Variants in ELAPOR2 observed in about 807,000 individuals in gnomAD.
ELAPOR2 encodes endosome-lysosome associated apoptosis and autophagy regulator family member 2.
In ELAPOR2, 89 loss-of-function variants were observed where a neutral mutation model predicts 120.7. That is an observed-to-expected ratio of 0.74 (90% CI 0.62 to 0.88). ELAPOR2 has a LOEUF of 0.88. ELAPOR2 is among the 40% of genes least tolerant of loss of function. The pLI, the probability that ELAPOR2 is intolerant of heterozygous loss-of-function variation, is 0.00. For missense variants in ELAPOR2, 1,134 were observed against 1,251.6 expected, an observed-to-expected ratio of 0.91 and a Z score of 1.42; for synonymous variants, 444 against 444.9, an observed-to-expected ratio of 1.00 and a Z score of 0.03.
In ELAPOR2 at chr7:86,936,709, T is replaced by C. The variant is rs185012055; in HGVS notation, c.1089+1417A>G. ...ACACCCATATACATATATGTGTCTA[T>C]GCATATGTGCGTATTCTGCATATAC... On this transcript the variant is annotated intron_variant, in intron 8 of 21. Coordinates refer to ENST00000450689, the MANE Select transcript of ELAPOR2 (RefSeq NM_001142749.3). Among the ~76,000 whole-genome samples the C allele has an allele frequency of 3.2e-3, 491 of 152,252 alleles. 4 individuals carry two copies. The highest frequency in any genetic ancestry group is 2.2e-3 in the Non-Finnish European group (152 of 67,998).
chr7:86,947,647 C>T, intron 3 of ELAPOR2, 80 bp downstream of exon 3: 3 of 1,228,228 alleles, frequency 2.4e-6, no homozygotes, highest in Non-Finnish European at 3.4e-6. Context: ...CAAGATTATC[C>T]TCATCTTCTT....
intron 5 of ELAPOR2, chr7:86,941,519 A>G (rs755627182): frequency 2.5e-6 from 1 of 393,966 alleles, no homozygotes; most frequent in African/African-American, 2.1e-5. Context: ...CTGTCCAACA[A>G]ATGGAGACAG....
Position 87,009,391 on chromosome 7 carries a change from C to T in ELAPOR2, c.190-44367G>A, listed in dbSNP as rs1396454184. Among the ~76,000 whole-genome samples, 3 of 152,174 alleles carry T rather than the reference C, an allele frequency of 2.0e-5. No individual in the cohort carries two copies. In the East Asian group the frequency reaches 5.8e-4, roughly 29 times the overall value. ...AGACAGAACATTAGGAAGAAGGACA[C>T]TAAGAAACAAATTACAGGATTTATC... On this transcript the variant is annotated intron_variant, in intron 1 of 21. Coordinates refer to ENST00000450689, the MANE Select transcript of ELAPOR2 (RefSeq NM_001142749.3).
chr7:87,043,057 C>T (rs1032399128), intron 1 of ELAPOR2, among the ~76,000 whole-genome samples: 109 of 152,074 alleles, frequency 7.2e-4, no homozygotes, highest in African/African-American at 2.3e-3. Flanking sequence ...CAACACTAAA[C>T]CAGGAAGAAG....
intron 1 of ELAPOR2, among the ~76,000 whole-genome samples, chr7:86,989,785 A>C (rs954179139): frequency 1.4e-4 from 21 of 151,934 alleles, no homozygotes; most frequent in African/African-American, 5.1e-4. Flanking sequence ...TAAAGATACA[A>C]ATTTTTTTAT....
chr7:86,932,531 T>A (rs1790372800), intron 8 of ELAPOR2, among the ~76,000 whole-genome samples: 1 of 151,920 alleles, frequency 6.6e-6, no homozygotes, highest in Admixed American at 6.6e-5. Context: ...TCTGCCTCAG[T>A]GTAATACCCA....
In ELAPOR2 at chr7:86,882,187, G is replaced by C. The variant is rs577009778; in HGVS notation, c.3031-1657C>G. On this transcript the variant is annotated intron_variant, in intron 21 of 21. Coordinates refer to ENST00000450689, the MANE Select transcript of ELAPOR2 (RefSeq NM_001142749.3). ...TAACAATTTTTTAGAATAACCATTA[G>C]CAGTTGAAATATTTGTTAAGCACCG... 3.9e-5 allele frequency among the ~76,000 whole-genome samples: 6 copies of C among 152,280 alleles called. No individual in the cohort carries two copies. The East Asian group carries it at 1.2e-3, about 29-fold the overall frequency.
At chr7:87,048,764 C>T (rs1303619908) in intron 1 of ELAPOR2, among the ~76,000 whole-genome samples, 1 of 152,054 alleles carries the variant, frequency 6.6e-6, no homozygotes, top group Non-Finnish European at 1.5e-5. Context: ...TATGTACCCA[C>T]AAAAGTTAAA....
At position 87,019,038 on chromosome 7, in the gene ELAPOR2, C is replaced by G. The variant is rs574645250; in HGVS notation, c.189+40287G>C. Among the ~76,000 whole-genome samples, 14 of 152,272 alleles carry G rather than the reference C, an allele frequency of 9.2e-5. No individual in the cohort carries two copies. The East Asian group carries it at 2.5e-3, about 27-fold the overall frequency. ...AAAAAGCAAAAAATGACAGAGATCA[C>G]TTCGTTAAGACATTTAACTTCTCTG... On this transcript the variant is annotated intron_variant, in intron 1 of 21. Coordinates refer to ENST00000450689, the MANE Select transcript of ELAPOR2 (RefSeq NM_001142749.3).
At chr7:86,940,912 G>C (rs1429249400) in intron 5 of ELAPOR2, among the ~76,000 whole-genome samples, 1 of 151,978 alleles carries the variant, frequency 6.6e-6, no homozygotes, top group African/African-American at 2.4e-5. Context: ...GCCTTTTTAA[G>C]TAAAAAAAGT....
At chr7:86,964,329 A>T (rs930079453) in intron 2 of ELAPOR2, among the ~76,000 whole-genome samples, 3 of 152,266 alleles carry the variant, frequency 2.0e-5, no homozygotes, top group African/African-American at 7.2e-5. Flanking sequence ...TTTCTCTGTT[A>T]TTTTATAATG....
At chr7:87,025,347 A>G (rs75684390) in intron 1 of ELAPOR2, among the ~76,000 whole-genome samples, 2,995 of 152,222 alleles carry the variant, frequency 0.02, 96 homozygotes, top group African/African-American at 0.068. Context: ...ACAAAAAGCA[A>G]AGACCTAATT....
At chr7:86,986,127 G>A (rs1222069987) in intron 1 of ELAPOR2, among the ~76,000 whole-genome samples, 1 of 144,290 alleles carries the variant, frequency 6.9e-6, no homozygotes, top group Non-Finnish European at 1.5e-5. Flanking sequence ...AATTGTCCCT[G>A]TTTGCAGATG....
Position 86,912,212 on chromosome 7 carries a change from A to G in ELAPOR2, c.2029T>C (p.Tyr677His), listed in dbSNP as rs1222695653. The G allele has an allele frequency of 6.2e-7, 1 of 1,607,070 alleles. No individual in the cohort carries two copies. Among genetic ancestry groups the G allele is most frequent in the South Asian group, 1.1e-5 (1 of 90,764 alleles). ...AAACTCTGATTTTCTTTTTCATGGTAGAAAAAGCAGTCACTATAGCAAACC... is the reference window on the plus strand; with the variant it reads ...AAACTCTGATTTTCTTTTTCATGGTGGAAAAAGCAGTCACTATAGCAAACC... ...HSVCYSDCFF[Y>H]HEKENQSLHY... The change falls in exon 15 of 22, where the codon TAC (tyrosine) becomes CAC (histidine). Residue 677 changes from tyrosine to histidine, a missense_variant. Coordinates refer to ENST00000450689, the MANE Select transcript of ELAPOR2 (RefSeq NM_001142749.3).
rs770284942 is a variant in ELAPOR2 at position 86,913,057 on chromosome 7, T to C, written c.1879A>G (p.Ile627Val). ...SCVPCPPGHY[I>V]EKETNQCKEC... ...TTGCACTGGTTGGTTTCTTTCTCAA[T>C]GTAGTGGCCTGGAGGGCAGGGGACA... The change falls in exon 14 of 22, where the codon ATT (isoleucine) becomes GTT (valine). Residue 627 changes from isoleucine (I) to valine (V), a missense_variant. Physicochemically the swap from Ile to Val is conservative, Grantham distance 29. Transcript: ENST00000450689. 3.7e-6 allele frequency: 6 copies of C among 1,613,920 alleles called. No homozygotes were observed. The highest frequency in any genetic ancestry group is 5.1e-6 in the Non-Finnish European group (6 of 1,179,990).
At position 86,934,608 on chromosome 7, in the gene ELAPOR2, T is replaced by C. The variant is rs1250189707; in HGVS notation, c.1089+3518A>G. Among the ~76,000 whole-genome samples, 3 of 152,150 alleles carry C rather than the reference T, an allele frequency of 2.0e-5. No homozygotes were observed. The South Asian group carries it at 6.2e-4, about 32-fold the overall frequency. On this transcript the variant is annotated intron_variant, in intron 8 of 21. Transcript: ENST00000450689. ...AGCCATTTTCCTCAGGCACCATCCC[T>C]GTTCATCTCTCCTAGCATTAGCTTA...
intron 1 of ELAPOR2, among the ~76,000 whole-genome samples, chr7:86,993,107 G>A (rs368344237): frequency 4.0e-5 from 6 of 151,770 alleles, no homozygotes; most frequent in African/African-American, 1.4e-4. Flanking sequence ...GTGGTGGCGC[G>A]CACCTGCGGT....
intron 2 of ELAPOR2, among the ~76,000 whole-genome samples, chr7:86,949,239 G>A (rs1191520957): frequency 6.6e-6 from 1 of 152,204 alleles, no homozygotes; most frequent in Non-Finnish European, 1.5e-5. Flanking sequence ...CCTAGGACAA[G>A]GCTGTACCAC....
intron 1 of ELAPOR2, among the ~76,000 whole-genome samples, chr7:87,005,664 G>T (rs1378133338): frequency 6.6e-6 from 1 of 152,108 alleles, no homozygotes; most frequent in African/African-American, 2.4e-5. Context: ...AAATAATTCA[G>T]TAAGGAAAGA....
Sources: gnomAD v4.1 joint callset for allele counts (sites outside exome capture counted in the v4.1 genomes callset) on GRCh38, gnomAD v4.1.1 for gene constraint, MANE v1.5 for transcripts, NCBI Gene and HGNC (gene_info 2026-07-23, HGNC 2026-07-21) for gene names.